CTNNA1: variants seen among roughly 807,000 people sequenced by gnomAD.
The protein encoded by CTNNA1 is catenin alpha-1.
A neutral mutation model predicts 98.4 loss-of-function variants in CTNNA1; 37 were observed. That is an observed-to-expected ratio of 0.38 (90% CI 0.29 to 0.49). CTNNA1 has a LOEUF of 0.49. CTNNA1 is among the 20% of genes least tolerant of loss of function. The pLI is 0.95. For synonymous variants in CTNNA1, 404 were observed against 413.2 expected (o/e 0.98, Z 0.27); for missense variants, 761 against 1,147.2 (o/e 0.66, Z 4.86).
chr5:138,795,955 A>G (rs894977360), intron 3 of CTNNA1, among the ~76,000 whole-genome samples: 1 of 152,216 alleles, frequency 6.6e-6, no homozygotes, highest in East Asian at 1.9e-4. Context: ...TTCTGTGAAT[A>G]TGCTCACGTG....
intron 9 of CTNNA1, among the ~76,000 whole-genome samples, chr5:138,900,139 G>A (rs1391546904): frequency 1.3e-5 from 2 of 152,154 alleles, no homozygotes; most frequent in Non-Finnish European, 2.9e-5. Context: ...CTTTATGTAC[G>A]ACAAGTTTGT....
At chr5:138,831,028 C>T (rs1326935786) in intron 7 of CTNNA1, among the ~76,000 whole-genome samples, 1 of 152,072 alleles carries the variant, frequency 6.6e-6, no homozygotes, top group African/African-American at 2.4e-5. Context: ...TTGAAATCAC[C>T]TACATTAATT....
intron 7 of CTNNA1, chr5:138,869,374 CTTTTTTT>C (rs34328033): frequency 1.4e-5 from 2 of 142,024 alleles, no homozygotes; most frequent in African/African-American, 5.2e-5. Context: ...GTCTCTCTCT[CTTTTTTT>C]TTTTTTTTCC....
At chr5:138,800,723 A>AACCT (rs1489048849) in intron 3 of CTNNA1, among the ~76,000 whole-genome samples, 1 of 152,070 alleles carries the variant, frequency 6.6e-6, no homozygotes, top group Admixed American at 6.6e-5. Context: ...GAATCACTTG[A>AACCT]ACCTGGGAGA....
chr5:138,860,707 GCTGGTCTGGGCACCTGAC>G (rs1261925971), intron 7 of CTNNA1, among the ~76,000 whole-genome samples: 1 of 152,022 alleles, frequency 6.6e-6, no homozygotes, highest in Non-Finnish European at 1.5e-5. Context: ...TGTTGCCCCG[GCTGGTCTGGGCACCTGAC>G]CTCAGGTGAT....
chr5:138,773,227 T>C (rs937181948), intron 1 of CTNNA1, among the ~76,000 whole-genome samples: 1 of 152,186 alleles, frequency 6.6e-6, no homozygotes, highest in Admixed American at 6.5e-5. Context: ...TACACTGTAA[T>C]AATGGCATAA....
At chr5:138,860,346 A>G (rs1273373222) in intron 7 of CTNNA1, among the ~76,000 whole-genome samples, 3 of 152,178 alleles carry the variant, frequency 2.0e-5, no homozygotes, top group African/African-American at 7.2e-5. Flanking sequence ...GCACAAATTG[A>G]GTGTCTAAAT....
At chr5:138,853,496 A>T (rs1437524295) in intron 7 of CTNNA1, among the ~76,000 whole-genome samples, 2 of 129,044 alleles carry the variant, frequency 1.5e-5, no homozygotes, top group African/African-American at 3.4e-5. Flanking sequence ...GTATATACTT[A>T]AAAAAAAAAA....
rs1296658237 is a variant in CTNNA1 at position 138,824,659 on chromosome 5, A to G, written c.718A>G (p.Asn240Asp). 6.2e-7 allele frequency: 1 copy of G among 1,614,248 alleles called. No individual in the cohort carries two copies. Among genetic ancestry groups the G allele is most frequent in the East Asian group, 2.2e-5 (1 of 44,896 alleles). The change falls in exon 6 of 18, where the codon AAC (asparagine) becomes GAC (aspartate). Residue 240 changes from asparagine (N) to aspartate (D), a missense_variant. Asn to Asp is a conservative substitution (Grantham distance 23). This residue lies in a region of CTNNA1 where 328 missense variants were observed against 354.3 expected (regional missense o/e 0.93). Coordinates refer to ENST00000302763, the MANE Select transcript of CTNNA1 (RefSeq NM_001903.5). Reference protein sequence around the residue: ...QHPDVAAYKANRDLIYKQLQQ... With the variant: ...QHPDVAAYKADRDLIYKQLQQ... ...CCCTGATGTCGCAGCCTATAAGGCC[A>G]ACAGGGACCTGATATACAAGCAGCT...
intron 10 of CTNNA1, among the ~76,000 whole-genome samples, chr5:138,913,879 G>T (rs992768956): frequency 2.6e-5 from 4 of 152,036 alleles, no homozygotes; most frequent in African/African-American, 4.8e-5. Flanking sequence ...TAAAGACAGG[G>T]TCTCATGGTT....
intron 11 of CTNNA1, among the ~76,000 whole-genome samples, chr5:138,922,900 C>T (rs1334531951): frequency 6.7e-6 from 1 of 149,718 alleles, no homozygotes; most frequent in Non-Finnish European, 1.5e-5. Context: ...AGAAGGCGGC[C>T]AGGATGAATT....
intron 3 of CTNNA1, among the ~76,000 whole-genome samples, chr5:138,795,072 C>T (rs1324230540): frequency 4.0e-5 from 6 of 149,688 alleles, no homozygotes; most frequent in Admixed American, 1.4e-4. Flanking sequence ...ATCACTTGAA[C>T]TCGGGAGGTG....
Position 138,810,145 on chromosome 5 carries a change from C to G in CTNNA1, c.409C>G (p.Arg137Gly), listed in dbSNP as rs781124226. 2 of 1,614,022 alleles carry G rather than the reference C, an allele frequency of 1.2e-6. No homozygotes were observed. Among genetic ancestry groups the G allele is most frequent in the Non-Finnish European group, 1.7e-6 (2 of 1,180,026 alleles). ...AARALLSAVT[R>G]LLILADMADV... Reference sequence around the variant, plus strand: ...TCGAGCTTTGCTCTCTGCTGTTACCCGGTTGCTGATTTTGGCTGACATGGC... The same window carrying G: ...TCGAGCTTTGCTCTCTGCTGTTACCGGGTTGCTGATTTTGGCTGACATGGC... The change falls in exon 4 of 18, where the codon CGG becomes GGG. Residue 137 changes from arginine (R) to glycine (G), a missense_variant. Physicochemically the swap from Arg to Gly is moderately radical, Grantham distance 125. Around this residue, in one of 6 missense-constraint regions of CTNNA1, gnomAD observed 328 missense variants for 354.3 expected, o/e 0.93. Coordinates refer to ENST00000302763, the MANE Select transcript of CTNNA1 (RefSeq NM_001903.5).
intron 7 of CTNNA1, among the ~76,000 whole-genome samples, chr5:138,841,920 C>T (rs1374742336): frequency 1.3e-5 from 2 of 152,114 alleles, no homozygotes; most frequent in Non-Finnish European, 2.9e-5. Flanking sequence ...AACATATTAG[C>T]CTGAATTACT....
At chr5:138,917,976 ACTG>A in intron 11 of CTNNA1, 78 bp downstream of exon 11, 1 of 1,388,118 alleles carries the variant, frequency 7.2e-7, no homozygotes, top group African/African-American at 1.4e-5. Flanking sequence ...ATGGGCAAAC[ACTG>A]CTATGTCTTG....
intron 9 of CTNNA1, among the ~76,000 whole-genome samples, chr5:138,889,814 A>G (rs1754956391): frequency 6.6e-6 from 1 of 152,148 alleles, no homozygotes; most frequent in Non-Finnish European, 1.5e-5. Flanking sequence ...CAGTTAAATT[A>G]CATTTACGGT....
intron 7 of CTNNA1, among the ~76,000 whole-genome samples, chr5:138,828,767 C>T (rs1760973447): frequency 6.6e-6 from 1 of 152,254 alleles, no homozygotes; most frequent in East Asian, 1.9e-4. Context: ...AAGATGAATG[C>T]CTTCCTCTGT....
chr5:138,767,437 G>C (rs1448703715), intron 1 of CTNNA1, among the ~76,000 whole-genome samples: 1 of 152,142 alleles, frequency 6.6e-6, no homozygotes, highest in African/African-American at 2.4e-5. Context: ...GTTCTTTGGC[G>C]CCATTGTCCT....
In CTNNA1 at chr5:138,873,627, G is replaced by C; in HGVS notation, c.1063-12585G>C. On this transcript the variant is annotated intron_variant, in intron 7 of 17. Transcript: ENST00000302763. This position sits in a 1 kb window ranked among gnomAD's most constrained non-coding sequence, Gnocchi z 6.1. ...CATATTCGGGCGCTGCATTCCCACA[G>C]ATTGCCAGAGAGACCAACGGTTGTG... 1 of 1,614,046 alleles carries C rather than the reference G, an allele frequency of 6.2e-7. No individual in the cohort carries two copies. The highest frequency in any genetic ancestry group is 1.1e-5 in the South Asian group (1 of 91,086).
Sources: gnomAD v4.1 joint callset for allele counts (sites outside exome capture counted in the v4.1 genomes callset) on GRCh38, gnomAD v4.1.1 for gene constraint, gnomAD v4.1.1 regional missense constraint, Gnocchi (gnomAD v3.1) non-coding constraint, MANE v1.5 for transcripts, NCBI Gene and HGNC (gene_info 2026-07-23, HGNC 2026-07-21) for gene names.